WASF3: variants seen among roughly 807,000 people sequenced by gnomAD.
WASF3 encodes the protein actin-binding protein WASF3.
WASF3 carries 11 observed loss-of-function variants against 46.6 expected under a neutral mutation model. The ratio of observed to expected loss-of-function variants is 0.24; its 90% CI spans 0.15 to 0.39. The LOEUF (loss-of-function observed/expected upper bound fraction) is 0.39, where lower values mean the gene tolerates loss of function less well. WASF3 is among the 10% of genes least tolerant of loss of function. WASF3 has a pLI of 1.00. For synonymous variants in WASF3, 242 were observed against 259.7 expected (o/e 0.93, Z 0.65); for missense variants, 576 against 669.8 (o/e 0.86, Z 1.55).
At chr13:26,683,636 T>TAA (rs1275102008) in intron 9 of WASF3, among the ~76,000 whole-genome samples, 3 of 146,084 alleles carry the variant, frequency 2.1e-5, no homozygotes, top group African/African-American at 5.0e-5. Flanking sequence ...ATGATTTCTT[T>TAA]AAAAAAAAAA....
At chr13:26,585,359 T>C (rs938451810) in intron 1 of WASF3, among the ~76,000 whole-genome samples, 3 of 152,200 alleles carry the variant, frequency 2.0e-5, no homozygotes, top group Admixed American at 6.5e-5. Flanking sequence ...AGGTTTTGGG[T>C]TGAATCACTT....
intron 1 of WASF3, among the ~76,000 whole-genome samples, chr13:26,597,797 G>A (rs1218870880): frequency 1.6e-4 from 24 of 152,098 alleles, no homozygotes; most frequent in African/African-American, 5.3e-4. Context: ...ACATGAACTC[G>A]TCATTTTTTA....
At chr13:26,591,940 A>G (rs1445930082) in intron 1 of WASF3, among the ~76,000 whole-genome samples, 1 of 151,786 alleles carries the variant, frequency 6.6e-6, no homozygotes, top group African/African-American at 2.4e-5. Flanking sequence ...TGTTAATCCC[A>G]GTGCACTCAG....
chr13:26,671,000 A>G (rs989941448), intron 5 of WASF3, among the ~76,000 whole-genome samples: 3 of 152,158 alleles, frequency 2.0e-5, no homozygotes, highest in Non-Finnish European at 4.4e-5. Context: ...CATTTAACTG[A>G]TTTTGCTTCC....
At chr13:26,631,714 C>T (rs1030993783) in intron 2 of WASF3, among the ~76,000 whole-genome samples, 4 of 152,146 alleles carry the variant, frequency 2.6e-5, no homozygotes, top group African/African-American at 9.7e-5. Context: ...TGAAGAAAGT[C>T]ATTGGTAGCT....
At chr13:26,607,999 G>GTCTA (rs1880853238) in intron 1 of WASF3, among the ~76,000 whole-genome samples, 1 of 151,360 alleles carries the variant, frequency 6.6e-6, no homozygotes, top group Non-Finnish European at 1.5e-5. Context: ...GTCTACTGGG[G>GTCTA]CCTAGTACAG....
chr13:26,631,069 A>T (rs1483669765), intron 2 of WASF3, among the ~76,000 whole-genome samples: 1 of 152,092 alleles, frequency 6.6e-6, no homozygotes, highest in East Asian at 1.9e-4. Context: ...TTGTCAGATG[A>T]GTAGATTGCA....
At chr13:26,568,222 C>G (rs932408447) in intron 1 of WASF3, among the ~76,000 whole-genome samples, 1 of 152,060 alleles carries the variant, frequency 6.6e-6, no homozygotes, top group African/African-American at 2.4e-5. Context: ...GTAAGAGGAT[C>G]ACTAGGACTG....
rs559553757 is a variant in WASF3 at position 26,656,176 on chromosome 13, T to G, written c.134-8852T>G. On this transcript the variant is annotated intron_variant, in intron 3 of 9. Transcript: ENST00000335327. Reference sequence around the variant, plus strand: ...GCTGAAAATCCACGTACAGTTTTTATGCTTTGGCAATTTAGAGGTGTGAGA... The same window carrying G: ...GCTGAAAATCCACGTACAGTTTTTAGGCTTTGGCAATTTAGAGGTGTGAGA... Among the ~76,000 whole-genome samples the G allele has an allele frequency of 1.1e-4, 16 of 152,356 alleles. No individual in the cohort carries two copies. The South Asian group carries it at 1.9e-3, about 18-fold the overall frequency.
At chr13:26,666,866 C>CA (rs1168774717) in intron 4 of WASF3, among the ~76,000 whole-genome samples, 2,615 of 62,226 alleles carry the variant, frequency 0.042, 123 homozygotes, top group Non-Finnish European at 0.048. Context: ...AAGACTGTCT[C>CA]AAAAAAAAAA....
At chr13:26,625,351 G>A (rs1881433423) in intron 2 of WASF3, among the ~76,000 whole-genome samples, 1 of 148,794 alleles carries the variant, frequency 6.7e-6, no homozygotes, top group African/African-American at 2.4e-5. Flanking sequence ...TACAAACTGG[G>A]GACCCAGGAA....
At chr13:26,581,267 G>T (rs530016573) in intron 1 of WASF3, among the ~76,000 whole-genome samples, 2 of 151,988 alleles carry the variant, frequency 1.3e-5, no homozygotes, top group South Asian at 4.2e-4. Flanking sequence ...TGAAAGTATC[G>T]GTTGTGATAA....
rs56162218 is a variant in WASF3, at chr13:26,675,481, T to TACAC, written c.541-1029_541-1026dup. ...CCCTGACTTCCAGACTAGACACACA[T>TACAC]ACACACACACACACACACACACACA... On this transcript the variant is annotated intron_variant, in intron 6 of 9. Transcript: ENST00000335327. Among the ~76,000 whole-genome samples, 518 of 145,740 alleles carry TACAC rather than the reference T, an allele frequency of 3.6e-3. 5 individuals are homozygous for TACAC. Among genetic ancestry groups the TACAC allele is most frequent in the African/African-American group, 0.012 (477 of 39,022 alleles).
At chr13:26,541,635 C>T in the WASF3 span, among the ~76,000 whole-genome samples, 1,010 of 126,590 alleles carry the variant, frequency 8.0e-3, 13 homozygotes, top group African/African-American at 0.026. Flanking sequence ...TTCTATATCC[C>T]GGAAGCCCAC....
At chr13:26,548,602 A>G in the WASF3 span, among the ~76,000 whole-genome samples, 7 of 152,182 alleles carry the variant, frequency 4.6e-5, no homozygotes, top group East Asian at 1.9e-4. Flanking sequence ...AGGCCGTAAC[A>G]CACTTTGGTG....
At chr13:26,617,922 C>T (rs1881184641) in intron 2 of WASF3, among the ~76,000 whole-genome samples, 1 of 152,158 alleles carries the variant, frequency 6.6e-6, no homozygotes, top group South Asian at 2.1e-4. Flanking sequence ...CATTCATTCT[C>T]CCTCCGGCTG....
chr13:26,564,076 A>T (rs992964353), intron 1 of WASF3, among the ~76,000 whole-genome samples: 3 of 151,936 alleles, frequency 2.0e-5, no homozygotes, highest in African/African-American at 7.2e-5. Context: ...TTTTTCCTTA[A>T]ATACTTAAGT....
At chr13:26,578,924 C>CT (rs1445480139) in intron 1 of WASF3, among the ~76,000 whole-genome samples, 1 of 147,670 alleles carries the variant, frequency 6.8e-6, no homozygotes, top group Non-Finnish European at 1.5e-5. Flanking sequence ...TGATTTTGTC[C>CT]TTTATGATAG....
chr13:26,683,620 A>G (rs985333606), intron 9 of WASF3, among the ~76,000 whole-genome samples: 1 of 151,656 alleles, frequency 6.6e-6, no homozygotes, highest in Admixed American at 6.6e-5. Context: ...AAGTGAGCTC[A>G]TATTAATGAT....
Sources: allele counts gnomAD v4.1 joint callset (sites outside exome capture counted in the v4.1 genomes callset), GRCh38; gene constraint gnomAD v4.1.1; transcripts MANE v1.5; gene names NCBI Gene and HGNC (gene_info 2026-07-23, HGNC 2026-07-21).